Variants in KDM2B observed in about 807,000 individuals in gnomAD.
KDM2B encodes the protein lysine demethylase 2B, also known as lysine-specific demethylase 2B.
Under a neutral mutation model 150.0 loss-of-function variants are expected in KDM2B, and 26 were observed. The ratio of observed to expected loss-of-function variants is 0.17; its 90% CI spans 0.13 to 0.24. The LOEUF (loss-of-function observed/expected upper bound fraction) is 0.24. Among genes scored for constraint, KDM2B ranks in the 10% least tolerant of loss-of-function variants. The probability of loss-of-function intolerance (pLI) is 1.00; values close to 1 mark genes in which losing one functional copy is unlikely to be tolerated. For missense variants in KDM2B, 1,265 were observed against 1,816.9 expected, an observed-to-expected ratio of 0.70 and a Z score of 5.52; for synonymous variants, 734 against 729.5, an observed-to-expected ratio of 1.01 and a Z score of -0.10.
intron 12 of KDM2B, among the ~76,000 whole-genome samples, chr12:121,470,860 C>T (rs1452974604): frequency 1.3e-5 from 2 of 152,182 alleles, no homozygotes; most frequent in Non-Finnish European, 2.9e-5. Context: ...GTTTGGATAG[C>T]CAGGTTGCTG....
chr12:121,433,193 C>A (rs782501260), intron 22 of KDM2B: 39 of 456,656 alleles, frequency 8.5e-5, no homozygotes, highest in Admixed American at 3.5e-4. Context: ...CCCAAAGACC[C>A]TTCCAACAAA....
At chr12:121,531,864 G>A (rs1555307839) in intron 8 of KDM2B, among the ~76,000 whole-genome samples, 1 of 152,176 alleles carries the variant, frequency 6.6e-6, no homozygotes, top group African/African-American at 2.4e-5. Context: ...AGGCCAAGGA[G>A]GGAGAATCCC....
At chr12:121,571,787 A>G (rs1406497641) in intron 4 of KDM2B, among the ~76,000 whole-genome samples, 6 of 150,740 alleles carry the variant, frequency 4.0e-5, no homozygotes, top group Non-Finnish European at 8.9e-5. Context: ...AGTAGCTGGG[A>G]TTACAGCCGC....
chr12:121,546,104 T>C (rs1341497052), intron 6 of KDM2B, among the ~76,000 whole-genome samples: 3 of 152,128 alleles, frequency 2.0e-5, no homozygotes, highest in Non-Finnish European at 4.4e-5. Flanking sequence ...GATTACTGGA[T>C]TTACATCTGT....
intron 12 of KDM2B, among the ~76,000 whole-genome samples, chr12:121,460,383 C>T (rs1472025000): frequency 6.6e-6 from 1 of 152,214 alleles, no homozygotes; most frequent in Non-Finnish European, 1.5e-5. Flanking sequence ...AAGCCAAGAT[C>T]GTGCCCCTGC....
chr12:121,565,297 CA>C (rs1459732110), intron 4 of KDM2B, among the ~76,000 whole-genome samples: 1 of 151,696 alleles, frequency 6.6e-6, no homozygotes, highest in Non-Finnish European at 1.5e-5. Flanking sequence ...AACAAGATTT[CA>C]TTGCCAATGG....
At chr12:121,464,756 TCTC>T (rs1185002660) in intron 12 of KDM2B, among the ~76,000 whole-genome samples, 1 of 152,156 alleles carries the variant, frequency 6.6e-6, no homozygotes, top group East Asian at 1.9e-4. Flanking sequence ...TGAAGGATCT[TCTC>T]CTTTGGTGCC....
chr12:121,440,972 G>A lies in KDM2B; in HGVS notation c.3454C>T (p.Arg1152Trp), dbSNP rs782644211. ...GAGCAGCCTGACAGCACCAAGTCCC[G>A]GAGCCCTGGGGGGACATAGAAAAGG... Reference protein sequence around the residue: ...SWLINRLPGLRDLVLSGCSWI... With the variant: ...SWLINRLPGLWDLVLSGCSWI... Residue 1152 changes from arginine (R) to tryptophan (W), a missense_variant, in exon 21 of 23, where the codon CGG becomes TGG. By Grantham distance (101) the Arg-to-Trp change is moderately radical (BLOSUM62 -3). This residue lies in a region of KDM2B where 251 missense variants were observed against 397.8 expected (regional missense o/e 0.63). Transcript: ENST00000377071. 1.9e-5 allele frequency: 31 copies of A among 1,613,542 alleles called. No individual in the cohort carries two copies. Among genetic ancestry groups the A allele is most frequent in the African/African-American group, 5.3e-5 (4 of 74,928 alleles).
At chr12:121,477,201 C>A (rs1881480875) in intron 12 of KDM2B, among the ~76,000 whole-genome samples, 1 of 152,010 alleles carries the variant, frequency 6.6e-6, no homozygotes, top group African/African-American at 2.4e-5. Flanking sequence ...ATCCAACTAG[C>A]TGGGACTACA....
rs1208691732 is a variant in KDM2B at position 121,467,279 on chromosome 12, C to G, written c.1735-13935G>C. On this transcript the variant is annotated intron_variant, in intron 12 of 22. Coordinates refer to ENST00000377071, the MANE Select transcript of KDM2B (RefSeq NM_032590.5). This position sits in a 1 kb window ranked among gnomAD's most constrained non-coding sequence, Gnocchi z 5.1. ...AGCGGCGCCGCCGCCGCCGCCCGCC[C>G]GGAGCAGGCTCGGCTCGCCCTGGCT... 1.0e-6 allele frequency: 1 copy of G among 987,660 alleles called. No homozygotes were observed. The highest frequency in any genetic ancestry group is 1.2e-6 in the Non-Finnish European group (1 of 832,042). 61.2% of individuals were successfully genotyped at this position (987,660 alleles called of 1,614,324 possible).
chr12:121,458,129 T>A (rs1878545218), intron 12 of KDM2B, among the ~76,000 whole-genome samples: 1 of 152,132 alleles, frequency 6.6e-6, no homozygotes, highest in African/African-American at 2.4e-5. Flanking sequence ...ACCCCTATAA[T>A]CTCAGCACTT....
intron 11 of KDM2B, among the ~76,000 whole-genome samples, chr12:121,499,842 C>T (rs1425599837): frequency 4.6e-5 from 7 of 151,860 alleles, no homozygotes. Context: ...CTTAGCTGCT[C>T]GGGAGACTGA....
intron 12 of KDM2B, among the ~76,000 whole-genome samples, chr12:121,475,206 G>A (rs1593876843): frequency 6.6e-6 from 1 of 151,652 alleles, no homozygotes; most frequent in East Asian, 1.9e-4. Context: ...GTGTGTGTGT[G>A]TGTGTGTGTG....
At chr12:121,463,016 CAA>C (rs376231867) in intron 12 of KDM2B, among the ~76,000 whole-genome samples, 153 of 119,466 alleles carry the variant, frequency 1.3e-3, no homozygotes, top group Admixed American at 1.8e-3. Flanking sequence ...CCTGCCTCAG[CAA>C]AAAAAAAAAA....
intron 4 of KDM2B, among the ~76,000 whole-genome samples, chr12:121,550,550 G>A (rs1889407788): frequency 6.6e-6 from 1 of 152,166 alleles, no homozygotes; most frequent in Non-Finnish European, 1.5e-5. Flanking sequence ...AGATCATGCA[G>A]TGGCACAATC....
At chr12:121,417,493 T>C in the KDM2B span, 1 of 1,602,678 alleles carries the variant, frequency 6.2e-7, no homozygotes, top group South Asian at 1.1e-5. This position sits in a 1 kb window ranked among gnomAD's most constrained non-coding sequence, Gnocchi z 5.0. Flanking sequence ...CAAATGCTTT[T>C]CTTTCTTCAG....
intron 6 of KDM2B, 161 bp from the exon 7 acceptor site, chr12:121,534,751 C>T: frequency 3.4e-6 from 2 of 591,430 alleles, no homozygotes; most frequent in South Asian, 4.2e-5. Flanking sequence ...ATCGGAGTTC[C>T]CCACGGGGGA....
intron 6 of KDM2B, among the ~76,000 whole-genome samples, chr12:121,543,358 A>G (rs1283605579): frequency 1.3e-5 from 2 of 152,132 alleles, no homozygotes; most frequent in Non-Finnish European, 2.9e-5. Context: ...TCTTTCTCAA[A>G]AAAGAAAAAA....
chr12:121,418,096 G>C, the KDM2B span: 3 of 651,274 alleles, frequency 4.6e-6, no homozygotes, highest in Non-Finnish European at 7.7e-6. Flanking sequence ...TGAGGTGCTA[G>C]GTGGCTCCAA....
Sources: gnomAD v4.1 joint callset for allele counts (sites outside exome capture counted in the v4.1 genomes callset) on GRCh38, gnomAD v4.1.1 for gene constraint, gnomAD v4.1.1 regional missense constraint, Gnocchi (gnomAD v3.1) non-coding constraint, MANE v1.5 for transcripts, NCBI Gene and HGNC (gene_info 2026-07-23, HGNC 2026-07-21) for gene names.